RHOU: variants seen among roughly 807,000 people sequenced by gnomAD.
RHOU encodes rho-related GTP-binding protein RhoU.
A neutral mutation model predicts 12.6 loss-of-function variants in RHOU; 8 were observed. The observed-to-expected ratio is 0.64, with a 90% CI of 0.37 to 1.15. The LOEUF is 1.15. Among genes scored for constraint, RHOU ranks in the 50% most tolerant of loss-of-function variants. The pLI is 0.01. For missense variants in RHOU, 258 were observed against 347.0 expected, an observed-to-expected ratio of 0.74 and a Z score of 2.04; for synonymous variants, 161 against 147.4, an observed-to-expected ratio of 1.09 and a Z score of -0.67.
intron 2 of RHOU, among the ~76,000 whole-genome samples, chr1:228,739,487 T>G (rs1026778716): frequency 2.0e-5 from 3 of 152,124 alleles, no homozygotes; most frequent in Non-Finnish European, 4.4e-5. Context: ...TGCTTGAACC[T>G]GGGAGGCGGA....
the RHOU span, among the ~76,000 whole-genome samples, chr1:228,726,392 G>A: frequency 1.3e-5 from 2 of 152,114 alleles, no homozygotes; most frequent in African/African-American, 2.4e-5. Flanking sequence ...AAGGCCGGGC[G>A]CAGTGGCTCA....
the RHOU span, among the ~76,000 whole-genome samples, chr1:228,707,214 TATAC>T: frequency 8.4e-6 from 1 of 118,748 alleles, no homozygotes; most frequent in East Asian, 2.2e-4. Flanking sequence ...TACATATATA[TATAC>T]ATATATATAT....
the RHOU span, among the ~76,000 whole-genome samples, chr1:228,707,373 G>A: frequency 2.7e-5 from 4 of 149,082 alleles, no homozygotes; most frequent in Admixed American, 6.8e-5. Context: ...AGCTCCCAGC[G>A]TGAGCGACAC....
In RHOU at chr1:228,738,602, G is replaced by C. The variant is rs1243281148; in HGVS notation, c.321+871G>C. On this transcript the variant is annotated intron_variant, in intron 2 of 2. Coordinates refer to ENST00000366691, the MANE Select transcript of RHOU (RefSeq NM_021205.6). The surrounding 1 kb of genome is among the most constrained non-coding windows in gnomAD (Gnocchi z 4.2). ...CACATGACTATCTGTGTTTATGAAG[G>C]CACTGGCTTTCCACTGCCCCCCAGA... Among the ~76,000 whole-genome samples the C allele has an allele frequency of 6.6e-6, 1 of 152,170 alleles. No homozygotes were observed. The highest frequency in any genetic ancestry group is 1.5e-5 in the Non-Finnish European group (1 of 68,032).
the RHOU span, among the ~76,000 whole-genome samples, chr1:228,718,490 T>C: frequency 3.9e-5 from 6 of 152,160 alleles, no homozygotes; most frequent in African/African-American, 1.4e-4. Flanking sequence ...GGCAGGATTA[T>C]TGGGGCTGTC....
At chr1:228,694,234 C>T in the RHOU span, among the ~76,000 whole-genome samples, 2 of 152,172 alleles carry the variant, frequency 1.3e-5, no homozygotes, top group Non-Finnish European at 2.9e-5. Flanking sequence ...CTAAGATTTC[C>T]AGACATAATA....
At chr1:228,678,835 T>C in the RHOU span, among the ~76,000 whole-genome samples, 1 of 151,882 alleles carries the variant, frequency 6.6e-6, no homozygotes, top group Non-Finnish European at 1.5e-5. Flanking sequence ...TGAGCATAGT[T>C]TGTGATTTTG....
At chr1:228,668,452 A>G in the RHOU span, among the ~76,000 whole-genome samples, 1 of 152,178 alleles carries the variant, frequency 6.6e-6, no homozygotes, top group Non-Finnish European at 1.5e-5. Flanking sequence ...CCAAGCCTTT[A>G]ACCTGTGAGT....
Position 228,737,855 on chromosome 1 carries a change from C to T in RHOU, c.321+124C>T. ...AAAGCCTCATGAAGTGGACCCACCC[C>T]TGCTGTTGGCCCTTCTCTGAGGGTG... On this transcript the variant is annotated intron_variant, in intron 2 of 2. Coordinates refer to ENST00000366691, the MANE Select transcript of RHOU (RefSeq NM_021205.6). This position sits in a 1 kb window ranked among gnomAD's most constrained non-coding sequence, Gnocchi z 4.1. 9.9e-7 allele frequency: 1 copy of T among 1,005,752 alleles called. No individual in the cohort carries two copies. Among genetic ancestry groups the T allele is most frequent in the South Asian group, 1.4e-5 (1 of 72,384 alleles). 62.3% of individuals were successfully genotyped at this position (1,005,752 alleles called of 1,614,324 possible).
At chr1:228,689,128 A>T in the RHOU span, among the ~76,000 whole-genome samples, 1 of 152,296 alleles carries the variant, frequency 6.6e-6, no homozygotes, top group Non-Finnish European at 1.5e-5. Flanking sequence ...AATAACCCAC[A>T]CATTTGGAGC....
the RHOU span, among the ~76,000 whole-genome samples, chr1:228,696,342 T>C: frequency 4.0e-5 from 6 of 151,302 alleles, no homozygotes; most frequent in East Asian, 1.2e-3. Context: ...TTTCCAAATA[T>C]TAAATCTTGA....
chr1:228,695,988 GAC>G, the RHOU span, among the ~76,000 whole-genome samples: 1 of 152,170 alleles, frequency 6.6e-6, no homozygotes, highest in Non-Finnish European at 1.5e-5. Context: ...AGCATAAAAA[GAC>G]ACATCACTTT....
At chr1:228,684,770 A>AG in the RHOU span, among the ~76,000 whole-genome samples, 1 of 152,170 alleles carries the variant, frequency 6.6e-6, no homozygotes, top group Non-Finnish European at 1.5e-5. Context: ...AGGAACCACA[A>AG]GGATGACTTC....
At position 228,744,628 on chromosome 1, in the gene RHOU, A is replaced by C. The variant is rs368485971; in HGVS notation, c.*888A>C. ...GGATTGTTTTTAAACCTCCATACTCAAGCTGTCTCTTCGGCAGGGAGGTGA... is the reference window on the plus strand; with the variant it reads ...GGATTGTTTTTAAACCTCCATACTCCAGCTGTCTCTTCGGCAGGGAGGTGA... On this transcript the variant is annotated 3_prime_UTR_variant, in exon 3 of 3. Transcript: ENST00000366691. 1 of 152,334 alleles carries C rather than the reference A, an allele frequency of 6.6e-6. No individual in the cohort carries two copies. Among genetic ancestry groups the C allele is most frequent in the East Asian group, 1.9e-4 (1 of 5,180 alleles). 9.4% of individuals were successfully genotyped at this position (152,334 alleles called of 1,614,324 possible).
chr1:228,651,250 G>T, the RHOU span: 2 of 203,402 alleles, frequency 9.8e-6, no homozygotes, highest in East Asian at 1.4e-4. Flanking sequence ...TAAGCCATTT[G>T]CAGACATTTA....
At chr1:228,726,084 C>G in the RHOU span, among the ~76,000 whole-genome samples, 4 of 151,624 alleles carry the variant, frequency 2.6e-5, no homozygotes, top group Non-Finnish European at 5.9e-5. Flanking sequence ...TTTTTTTCTC[C>G]TTCCTCCTTA....
chr1:228,685,515 C>T, the RHOU span, among the ~76,000 whole-genome samples: 1 of 152,128 alleles, frequency 6.6e-6, no homozygotes, highest in African/African-American at 2.4e-5. Flanking sequence ...CCAAATGGAG[C>T]ACCATTCTCT....
At chr1:228,658,352 A>G in the RHOU span, among the ~76,000 whole-genome samples, 2 of 151,972 alleles carry the variant, frequency 1.3e-5, no homozygotes, top group Non-Finnish European at 2.9e-5. Context: ...TGAGGATAGA[A>G]GTCCTTATGG....
Position 228,744,984 on chromosome 1 carries a change from A to G in RHOU, c.*1244A>G, listed in dbSNP as rs1196099977. 1 of 152,234 alleles carries G rather than the reference A, an allele frequency of 6.6e-6. No individual in the cohort carries two copies. Among genetic ancestry groups the G allele is most frequent in the East Asian group, 1.9e-4 (1 of 5,196 alleles). 9.4% of individuals were successfully genotyped at this position (152,234 alleles called of 1,614,324 possible). On this transcript the variant is annotated 3_prime_UTR_variant, in exon 3 of 3. Transcript: ENST00000366691. Reference sequence around the variant, plus strand: ...AGGACATCTTAAATCTAAACAAAAAATAAAATGAACATCTCTTGAAACCTG... The same window carrying G: ...AGGACATCTTAAATCTAAACAAAAAGTAAAATGAACATCTCTTGAAACCTG...
Sources: allele counts gnomAD v4.1 joint callset (sites outside exome capture counted in the v4.1 genomes callset), GRCh38; gene constraint gnomAD v4.1.1; non-coding constraint Gnocchi (gnomAD v3.1); transcripts MANE v1.5; gene names NCBI Gene and HGNC (gene_info 2026-07-23, HGNC 2026-07-21).